The following ADCY1 variants were observed in gnomAD, a reference collection of about 807,000 sequenced individuals.
The protein encoded by ADCY1 is adenylate cyclase 1, also known as adenylate cyclase type 1.
Under a neutral mutation model 105.4 loss-of-function variants are expected in ADCY1, and 28 were observed. The ratio of observed to expected loss-of-function variants is 0.27; its 90% CI spans 0.20 to 0.36. The LOEUF (loss-of-function observed/expected upper bound fraction) is 0.36, where lower values mean the gene tolerates loss of function less well. Among genes scored for constraint, ADCY1 ranks in the 10% least tolerant of loss-of-function variants. ADCY1 has a pLI of 1.00. For missense variants in ADCY1, 977 were observed against 1,434.2 expected (o/e 0.68, Z 5.15); for synonymous variants, 655 against 623.8 (o/e 1.05, Z -0.75).
intron 4 of ADCY1, among the ~76,000 whole-genome samples, chr7:45,629,509 CTTTTTTT>C (rs34705083): frequency 7.7e-6 from 1 of 129,406 alleles, no homozygotes; most frequent in Non-Finnish European, 1.6e-5. Flanking sequence ...GTATGCTTAA[CTTTTTTT>C]TTTTTTTTTT....
intron 1 of ADCY1, among the ~76,000 whole-genome samples, chr7:45,587,572 G>C (rs1792768590): frequency 6.6e-6 from 1 of 152,130 alleles, no homozygotes; most frequent in African/African-American, 2.4e-5. Flanking sequence ...GGGGAGGAAG[G>C]ACAGGTACCT....
intron 8 of ADCY1, among the ~76,000 whole-genome samples, chr7:45,667,605 G>A (rs371309467): frequency 6.6e-6 from 1 of 152,208 alleles, no homozygotes; most frequent in East Asian, 1.9e-4. Flanking sequence ...TTGACTTGGC[G>A]ATGTGGGCTC....
chr7:45,592,514 C>T (rs571651353), intron 1 of ADCY1, among the ~76,000 whole-genome samples: 2 of 152,336 alleles, frequency 1.3e-5, no homozygotes, highest in African/African-American at 4.8e-5. Context: ...TTGGGGGACA[C>T]AGTTTGGCCT....
At chr7:45,701,426 G>A (rs1784992651) in intron 14 of ADCY1, among the ~76,000 whole-genome samples, 2 of 152,116 alleles carry the variant, frequency 1.3e-5, no homozygotes, top group African/African-American at 4.8e-5. Context: ...AAATCACAAT[G>A]CCATAAACCT....
chr7:45,701,022 T>A (rs78297260), intron 14 of ADCY1, among the ~76,000 whole-genome samples: 8,700 of 152,238 alleles, frequency 0.057, 252 homozygotes, highest in African/African-American at 0.073. Context: ...AGAAGGACAA[T>A]TGAGAAGGGA....
intron 14 of ADCY1, among the ~76,000 whole-genome samples, chr7:45,698,162 C>T (rs944437245): frequency 2.0e-5 from 3 of 148,248 alleles, no homozygotes; most frequent in African/African-American, 7.4e-5. Flanking sequence ...CACATACTCT[C>T]TTACACACAC....
At chr7:45,587,814 A>T (rs1262691641) in intron 1 of ADCY1, among the ~76,000 whole-genome samples, 1 of 152,108 alleles carries the variant, frequency 6.6e-6, no homozygotes, top group African/African-American at 2.4e-5. Flanking sequence ...CCCTCACTGC[A>T]TTGTGTCAGG....
At chr7:45,645,575 G>T (rs565618662) in intron 4 of ADCY1, among the ~76,000 whole-genome samples, 1 of 152,176 alleles carries the variant, frequency 6.6e-6, no homozygotes, top group Admixed American at 6.5e-5. Context: ...CTGCACACCT[G>T]TCCCACTCCA....
chr7:45,661,175 G>C (rs1415860491), intron 7 of ADCY1, among the ~76,000 whole-genome samples: 1 of 152,154 alleles, frequency 6.6e-6, no homozygotes, highest in Non-Finnish European at 1.5e-5. Flanking sequence ...ATAGACAATA[G>C]TATCCAGTCC....
At position 45,721,729 on chromosome 7, in the gene ADCY1, A is replaced by C. The variant is rs1785477045; in HGVS notation, c.*7734A>C. ...GGATGTTCAAAGGGCCGATTTCAGC[A>C]GGAGTTCAGAGGGCTTATGATGGAT... On this transcript the variant is annotated 3_prime_UTR_variant, in exon 20 of 20. Coordinates refer to ENST00000297323, the MANE Select transcript of ADCY1 (RefSeq NM_021116.4). The C allele has an allele frequency of 5.0e-6, 2 of 398,554 alleles. No homozygotes were observed. Among genetic ancestry groups the C allele is most frequent in the Non-Finnish European group, 8.8e-6 (2 of 226,126 alleles). The allele number at this position is 398,554 out of a possible 1,614,324, so 24.7% of individuals were successfully genotyped here.
chr7:45,596,697 G>A (rs569783961), intron 2 of ADCY1, among the ~76,000 whole-genome samples: 1 of 152,190 alleles, frequency 6.6e-6, no homozygotes, highest in African/African-American at 2.4e-5. Flanking sequence ...GGCAGACTCC[G>A]AGCCTTACGC....
chr7:45,576,184 C>T (rs12702149), intron 1 of ADCY1, among the ~76,000 whole-genome samples: 54,758 of 151,982 alleles, frequency 0.36, 10,603 homozygotes, highest in East Asian at 0.68. Context: ...TGGGAGCAAA[C>T]TGGGGAGAGG....
At chr7:45,607,836 C>T (rs1793422558) in intron 2 of ADCY1, among the ~76,000 whole-genome samples, 1 of 152,290 alleles carries the variant, frequency 6.6e-6, no homozygotes, top group African/African-American at 2.4e-5. Context: ...CTTTATCCAG[C>T]CCACCATTGA....
At chr7:45,679,413 G>C (rs1224483658) in intron 10 of ADCY1, among the ~76,000 whole-genome samples, 1 of 152,216 alleles carries the variant, frequency 6.6e-6, no homozygotes, top group East Asian at 1.9e-4. Flanking sequence ...ACGGCTTCCA[G>C]AAAAGTTCTG....
intron 8 of ADCY1, among the ~76,000 whole-genome samples, chr7:45,662,690 C>G (rs1795163211): frequency 6.6e-6 from 1 of 152,132 alleles, no homozygotes. Context: ...GATGGCCTTC[C>G]TCTGTTACTC....
intron 14 of ADCY1, among the ~76,000 whole-genome samples, chr7:45,688,658 C>T (rs1784733803): frequency 1.3e-5 from 2 of 152,140 alleles, no homozygotes; most frequent in Non-Finnish European, 2.9e-5. Context: ...CACACACACA[C>T]TGTCTATATG....
At chr7:45,684,914 T>G in intron 11 of ADCY1, 65 bp from the exon 12 acceptor site, 2 of 1,428,840 alleles carry the variant, frequency 1.4e-6, no homozygotes, top group Non-Finnish European at 2.0e-6. Flanking sequence ...TAGGAAGTAT[T>G]AACTGTGCAC....
chr7:45,581,681 A>G (rs1792548407), intron 1 of ADCY1, among the ~76,000 whole-genome samples: 1 of 152,102 alleles, frequency 6.6e-6, no homozygotes, highest in Admixed American at 6.5e-5. Context: ...AGTTCACACG[A>G]CCACAGGCTC....
chr7:45,659,853 C>T (rs1166228951), intron 6 of ADCY1, among the ~76,000 whole-genome samples, 189 bp from the exon 7 acceptor site: 1 of 152,188 alleles, frequency 6.6e-6, no homozygotes, highest in Non-Finnish European at 1.5e-5. Context: ...TTCCTGATGG[C>T]CCTACTGTAT....
Sources: gnomAD v4.1 joint callset for allele counts (sites outside exome capture counted in the v4.1 genomes callset) on GRCh38, gnomAD v4.1.1 for gene constraint, MANE v1.5 for transcripts, NCBI Gene and HGNC (gene_info 2026-07-23, HGNC 2026-07-21) for gene names.